DAB1: variants seen among roughly 807,000 people sequenced by gnomAD.
DAB1 encodes DAB adaptor protein 1.
DAB1 carries 15 observed loss-of-function variants against 64.6 expected under a neutral mutation model. The ratio of observed to expected loss-of-function variants is 0.23; its 90% CI spans 0.16 to 0.36. DAB1 has a LOEUF of 0.36. Among genes scored for constraint, DAB1 ranks in the 10% least tolerant of loss-of-function variants. The pLI, the probability that DAB1 is intolerant of heterozygous loss-of-function variation, is 1.00. For synonymous variants in DAB1, 235 were observed against 251.9 expected, an observed-to-expected ratio of 0.93 and a Z score of 0.64; for missense variants, 596 against 706.7, an observed-to-expected ratio of 0.84 and a Z score of 1.78.
chr1:58,543,408 C>T (rs113603972), intron 1 of DAB1, among the ~76,000 whole-genome samples: 1 of 152,086 alleles, frequency 6.6e-6, no homozygotes, highest in African/African-American at 2.4e-5. Flanking sequence ...CTTTAGCATC[C>T]AAAATATCTC....
chr1:57,337,609 A>G (rs1038110299), intron 1 of DAB1, among the ~76,000 whole-genome samples: 4 of 152,134 alleles, frequency 2.6e-5, no homozygotes, highest in Non-Finnish European at 5.9e-5. Context: ...TTACACATTT[A>G]TTTTGTGTAA....
intron 1 of DAB1, among the ~76,000 whole-genome samples, chr1:58,534,552 G>A (rs574557849): frequency 6.6e-6 from 1 of 152,112 alleles, no homozygotes; most frequent in Non-Finnish European, 1.5e-5. Flanking sequence ...GTTTTTTTAT[G>A]AATAGATTGA....
chr1:57,919,090 G>A (rs867614914), intron 5 of DAB1, among the ~76,000 whole-genome samples: 3 of 152,236 alleles, frequency 2.0e-5, no homozygotes, highest in Middle Eastern at 3.4e-3. Context: ...TTTGAATCCT[G>A]GGTCCTCCCA....
chr1:57,181,315 C>T (rs1336164871), intron 2 of DAB1, among the ~76,000 whole-genome samples: 2 of 152,156 alleles, frequency 1.3e-5, no homozygotes, highest in Non-Finnish European at 2.9e-5. Flanking sequence ...ACTTGACGGT[C>T]CTAAGAGTTG....
intron 3 of DAB1, among the ~76,000 whole-genome samples, chr1:58,345,791 A>G (rs1403304993): frequency 6.6e-6 from 1 of 151,930 alleles, no homozygotes; most frequent in Non-Finnish European, 1.5e-5. Flanking sequence ...GCAGCCCCTC[A>G]TTATATAAGG....
rs1009894687 is a variant in DAB1, at chr1:57,983,848, T to C, written n.388-99686A>G. On this transcript the variant is annotated intron_variant and non_coding_transcript_variant, in intron 5 of 20. Transcript: ENST00000485760. ...ATTCAAAGCAATTAGAGTGTCTATC[T>C]ACAGTGAGCCCGAAATGTGTTTGCA... Among the ~76,000 whole-genome samples, 5 of 152,298 alleles carry C rather than the reference T, an allele frequency of 3.3e-5. No individual in the cohort carries two copies. In the East Asian group the frequency reaches 9.7e-4, roughly 29 times the overall value.
chr1:58,277,822 G>A (rs567340119), intron 4 of DAB1, among the ~76,000 whole-genome samples: 2 of 152,264 alleles, frequency 1.3e-5, no homozygotes, highest in Admixed American at 1.3e-4. Flanking sequence ...TCTGTCCTGT[G>A]AGCCGCCAGA....
chr1:57,395,913 T>C (rs1260739542), intron 1 of DAB1, among the ~76,000 whole-genome samples: 1 of 152,212 alleles, frequency 6.6e-6, no homozygotes, highest in Non-Finnish European at 1.5e-5. Flanking sequence ...CTGATATTAC[T>C]AATCCAGGAG....
At chr1:57,162,820 G>A (rs894910063) in intron 2 of DAB1, among the ~76,000 whole-genome samples, 2 of 152,222 alleles carry the variant, frequency 1.3e-5, no homozygotes, top group African/African-American at 2.4e-5. Flanking sequence ...AGGGGTATTT[G>A]TGATGAAGAA....
chr1:57,649,725 T>C (rs1646234387), intron 6 of DAB1: 1 of 152,196 alleles, frequency 6.6e-6, no homozygotes, highest in African/African-American at 2.4e-5. Context: ...AATGGTCTTG[T>C]TTTTCTTCTC....
intron 1 of DAB1, among the ~76,000 whole-genome samples, chr1:57,349,987 T>G (rs1462312201): frequency 6.6e-6 from 1 of 152,178 alleles, no homozygotes; most frequent in Non-Finnish European, 1.5e-5. Flanking sequence ...TCTATGGCAG[T>G]AAAGCATTGC....
chr1:57,795,720 TATA>T lies in DAB1; in HGVS notation n.551+88276_551+88278del, dbSNP rs1421518397. ...ATATATATATATATATATATATATA[TATA>T]TATATATATATCATACACATGTATT... On this transcript the variant is annotated intron_variant and non_coding_transcript_variant, in intron 6 of 20. Transcript: ENST00000485760. Among the ~76,000 whole-genome samples, 30 of 134,710 alleles carry T rather than the reference TATA, an allele frequency of 2.2e-4. 1 individual carries two copies. The highest frequency in any genetic ancestry group is 4.1e-4 in the Non-Finnish European group (26 of 63,114). The allele number at this position is 134,710 out of a possible 152,430, so 88.4% of individuals were successfully genotyped here.
chr1:58,070,190 G>A (rs1462159540), intron 5 of DAB1, among the ~76,000 whole-genome samples: 2 of 152,080 alleles, frequency 1.3e-5, no homozygotes, highest in Admixed American at 6.5e-5. Context: ...CTTTTGCCTA[G>A]GCAAAAGAAA....
intron 7 of DAB1, among the ~76,000 whole-genome samples, chr1:57,617,885 C>T (rs145706679): frequency 4.6e-5 from 7 of 152,262 alleles, no homozygotes; most frequent in African/African-American, 7.2e-5. Flanking sequence ...GCACTTGGGA[C>T]ATGCTACCTA....
chr1:57,590,735 AACACACACACACAC>A lies in DAB1; in HGVS notation n.625+58843_625+58856del, dbSNP rs58957864. ...TGGGAAGGAACACATTGTAGTCCGT[AACACACACACACAC>A]ACACACACACACACACACACACACA... is the stretch of plus-strand genomic sequence containing the variant. On this transcript the variant is annotated intron_variant and non_coding_transcript_variant, in intron 7 of 20. Transcript: ENST00000485760. Among the ~76,000 whole-genome samples, 610 of 132,424 alleles carry A rather than the reference AACACACACACACAC, an allele frequency of 4.6e-3. 3 individuals are homozygous for A. The highest frequency in any genetic ancestry group is 0.011 in the Middle Eastern group (3 of 272). 86.9% of individuals were successfully genotyped at this position (132,424 alleles called of 152,430 possible). A position where few individuals can be genotyped will look rare whatever the true frequency, so the allele number is the denominator to read the frequency against.
chr1:57,384,794 G>A (rs990677368), intron 1 of DAB1, among the ~76,000 whole-genome samples: 2 of 152,114 alleles, frequency 1.3e-5, no homozygotes, highest in Non-Finnish European at 2.9e-5. Context: ...TGATGAAAAA[G>A]TTCTGGAGAT....
At chr1:57,839,184 G>C (rs1652942427) in intron 1 of DAB1, among the ~76,000 whole-genome samples, 2 of 152,128 alleles carry the variant, frequency 1.3e-5, no homozygotes, top group African/African-American at 4.8e-5. Flanking sequence ...CTTAGGCCTA[G>C]AAAATGAATC....
chr1:58,530,977 C>T (rs1646426241), intron 1 of DAB1, among the ~76,000 whole-genome samples: 1 of 152,024 alleles, frequency 6.6e-6, no homozygotes, highest in African/African-American at 2.4e-5. Flanking sequence ...GGATATAAAC[C>T]TACAATTTCT....
chr1:57,927,738 C>T (rs916300613), intron 5 of DAB1, among the ~76,000 whole-genome samples: 1 of 152,112 alleles, frequency 6.6e-6, no homozygotes, highest in African/African-American at 2.4e-5. Context: ...ACAATGCATA[C>T]CTTTCAGGCT....
Sources: allele counts gnomAD v4.1 joint callset (sites outside exome capture counted in the v4.1 genomes callset), GRCh38; gene constraint gnomAD v4.1.1; transcripts MANE v1.5; gene names NCBI Gene and HGNC (gene_info 2026-07-23, HGNC 2026-07-21).